ZNF91: variants seen among roughly 807,000 people sequenced by gnomAD.
ZNF91 encodes the protein zinc finger protein 91 (HPF7, HTF10).
Under a neutral mutation model 12.6 loss-of-function variants are expected in ZNF91, and 7 were observed. The observed-to-expected ratio is 0.55, with a 90% confidence interval of 0.31 to 1.04. ZNF91 has a LOEUF of 1.04. Among genes scored for constraint, ZNF91 ranks in the 50% least tolerant of loss-of-function variants. ZNF91 has a pLI of 0.05. For synonymous variants in ZNF91, 453 were observed against 462.6 expected (o/e 0.98, Z 0.27); for missense variants, 1,217 against 1,385.4 (o/e 0.88, Z 1.93).
upstream of ZNF91, among the ~76,000 whole-genome samples, chr19:23,313,405 G>C (rs1599679268): frequency 2.6e-5 from 4 of 152,194 alleles, no homozygotes; most frequent in East Asian, 7.7e-4. Context: ...GACTAACCCA[G>C]CACCTAGCTG....
Position 23,341,313 on chromosome 19 carries a change from T to C in ZNF91, c.254-2259A>G, listed in dbSNP as rs1242105175. Among the ~76,000 whole-genome samples the C allele has an allele frequency of 3.3e-5, 5 of 152,194 alleles. No individual in the cohort carries two copies. The East Asian group carries it at 9.7e-4, about 29-fold the overall frequency. On this transcript the variant is annotated intron_variant, in intron 3 of 3. Coordinates refer to the ZNF91 transcript ENST00000599743. Reference sequence around the variant, plus strand: ...ACCTGCCCGCCTCTACCTCCCAAAGTGTTGGGATTACAGGCGTGAGCTACC... The same window carrying C: ...ACCTGCCCGCCTCTACCTCCCAAAGCGTTGGGATTACAGGCGTGAGCTACC...
At chr19:23,307,716 A>G (rs1967416149) in intron 2 of ZNF91, 1 of 152,164 alleles carries the variant, frequency 6.6e-6, no homozygotes, top group Non-Finnish European at 1.5e-5. Context: ...GTACTGTGAG[A>G]TATCTCTGGG....
downstream of ZNF91, chr19:23,338,404 T>C (rs1257634469): frequency 6.6e-6 from 1 of 152,062 alleles, no homozygotes; most frequent in Non-Finnish European, 1.5e-5. Context: ...CCAAAAATTT[T>C]ATATCAAGCT....
At chr19:23,339,255 A>C (rs1317743723) in intron 3 of ZNF91, 1 of 152,200 alleles carries the variant, frequency 6.6e-6, no homozygotes, top group African/African-American at 2.4e-5. Flanking sequence ...ACTTTAAATT[A>C]AAAAGCTGTA....
At chr19:23,370,490 G>T (rs981692788) in intron 3 of ZNF91, among the ~76,000 whole-genome samples, 14 of 152,052 alleles carry the variant, frequency 9.2e-5, no homozygotes, top group Admixed American at 5.9e-4. Context: ...ATATTAACAG[G>T]CCTGAAATAT....
downstream of ZNF91, among the ~76,000 whole-genome samples, chr19:23,333,770 GTAT>G (rs1286502364): frequency 6.6e-6 from 1 of 152,164 alleles, no homozygotes; most frequent in East Asian, 1.9e-4. Flanking sequence ...TTTACTGCTA[GTAT>G]TATTATTATC....
rs771293571 is a variant in ZNF91 at position 23,395,345 on chromosome 19, T to TTCCTGGCA, written c.2_9dup (p.Thr4CysfsTer8). On this transcript the variant is annotated frameshift_variant, in exon 1 of 4. Coordinates refer to ENST00000300619, the MANE Select transcript of ZNF91 (RefSeq NM_003430.4). LOFTEE classifies it high-confidence loss of function. Reference sequence around the variant, plus strand: ...CTCACCATTTCTAGGCTTCCAGGGGTTCCTGGCATCTTAGCTGTGGCTCTC... The same window carrying TTCCTGGCA: ...CTCACCATTTCTAGGCTTCCAGGGGTTCCTGGCATCCTGGCATCTTAGCTGTGGCTCTC... The TTCCTGGCA allele has an allele frequency of 4.3e-6, 7 of 1,613,646 alleles. No individual in the cohort carries two copies. In the Admixed American group the frequency reaches 1.2e-4, roughly 27 times the overall value.
intron 3 of ZNF91, among the ~76,000 whole-genome samples, chr19:23,366,941 C>A (rs1191932819): frequency 6.6e-6 from 1 of 152,164 alleles, no homozygotes; most frequent in Admixed American, 6.5e-5. Context: ...AGGGAATATG[C>A]AATATTTTTA....
At chr19:23,339,938 A>T (rs1968087920) in intron 3 of ZNF91, 1 of 131,032 alleles carries the variant, frequency 7.6e-6, no homozygotes, top group African/African-American at 3.3e-5. Context: ...TGTAAAACCT[A>T]TCTCAAAAAA....
intron 3 of ZNF91, among the ~76,000 whole-genome samples, chr19:23,372,918 C>G (rs1266753151): frequency 6.6e-6 from 1 of 152,212 alleles, no homozygotes; most frequent in African/African-American, 2.4e-5. Context: ...CTGCAGAAAC[C>G]TGCCCTTGGG....
chr19:23,391,383 C>A (rs1455128481), intron 1 of ZNF91, among the ~76,000 whole-genome samples: 2 of 152,146 alleles, frequency 1.3e-5, no homozygotes, highest in East Asian at 3.9e-4. Context: ...TTATGTTTAT[C>A]CTAAGAACAT....
downstream of ZNF91, among the ~76,000 whole-genome samples, chr19:23,353,547 TA>T (rs1157571067): frequency 6.6e-6 from 1 of 151,396 alleles, no homozygotes; most frequent in Non-Finnish European, 1.5e-5. Flanking sequence ...CTCAAGGAAC[TA>T]GAGAAACAAG....
rs541451304 is a variant in ZNF91 at position 23,395,442 on chromosome 19, G to A, written c.-88C>T. 17 of 1,516,678 alleles carry A rather than the reference G, an allele frequency of 1.1e-5. No individual in the cohort carries two copies. The highest frequency in any genetic ancestry group is 1.5e-5 in the Non-Finnish European group (17 of 1,112,526). The allele number at this position is 1,516,678 out of a possible 1,614,324, so 94.0% of individuals were successfully genotyped here. A position where few individuals can be genotyped will look rare whatever the true frequency, so the allele number is the denominator to read the frequency against. The stretch of plus-strand genomic sequence containing the variant: ...AGAGGACACAGAGCAGTGAAGTCGA[G>A]ACCTGGAAACTCCGGCGGCAGCGAG... On this transcript the variant is annotated 5_prime_UTR_variant, in exon 1 of 4. Transcript: ENST00000300619.
chr19:23,370,052 T>A (rs1046089926), intron 3 of ZNF91, among the ~76,000 whole-genome samples: 1 of 149,866 alleles, frequency 6.7e-6, no homozygotes, highest in African/African-American at 2.5e-5. Flanking sequence ...ACAAAACTTA[T>A]ATTGATTGTT....
At chr19:23,324,702 C>A (rs1428996448) in intron 1 of ZNF91, 1 of 152,042 alleles carries the variant, frequency 6.6e-6, no homozygotes, top group African/African-American at 2.4e-5. Context: ...CTCACCCTCC[C>A]GAGTAGCTGG....
chr19:23,341,073 G>A (rs1008342464), intron 3 of ZNF91, among the ~76,000 whole-genome samples: 3 of 74,884 alleles, frequency 4.0e-5, no homozygotes, highest in African/African-American at 1.4e-4. Context: ...TTTTTTTTTT[G>A]AGACGGAGTC....
intron 3 of ZNF91, among the ~76,000 whole-genome samples, chr19:23,305,319 C>A (rs1967383553): frequency 6.6e-6 from 1 of 152,160 alleles, no homozygotes; most frequent in African/African-American, 2.4e-5. Flanking sequence ...TTATTCTTCT[C>A]AGGGGAGGTG....
downstream of ZNF91, among the ~76,000 whole-genome samples, chr19:23,335,229 G>C (rs1967984265): frequency 6.6e-6 from 1 of 152,190 alleles, no homozygotes; most frequent in Non-Finnish European, 1.5e-5. Flanking sequence ...ATGTCAGTTG[G>C]CCCCTACAGG....
intron 1 of ZNF91, among the ~76,000 whole-genome samples, chr19:23,320,041 T>TACCAGAAA (rs1967655182): frequency 6.6e-6 from 1 of 152,158 alleles, no homozygotes; most frequent in African/African-American, 2.4e-5. Flanking sequence ...AATACTGTAT[T>TACCAGAAA]TCTGGTATGC....
Sources: gnomAD v4.1 joint callset for allele counts (sites outside exome capture counted in the v4.1 genomes callset) on GRCh38, gnomAD v4.1.1 for gene constraint, MANE v1.5 for transcripts, NCBI Gene and HGNC (gene_info 2026-07-23, HGNC 2026-07-21) for gene names.